Variants in EDEM3 observed in about 807,000 individuals in gnomAD.
The protein encoded by EDEM3 is ER degradation enhancing alpha-mannosidase like protein 3.
Under a neutral mutation model 110.2 loss-of-function variants are expected in EDEM3, and 60 were observed. The observed-to-expected ratio is 0.54, with a 90% CI of 0.44 to 0.67. EDEM3 has a LOEUF of 0.67. Ranked by LOEUF, EDEM3 falls within the 30% of genes least tolerant of loss-of-function variation. The pLI is 0.00. For synonymous variants in EDEM3, 352 were observed against 382.9 expected (o/e 0.92, Z 0.94); for missense variants, 996 against 1,121.0 (o/e 0.89, Z 1.59).
At chr1:184,717,655 A>T (rs201218986) in intron 11 of EDEM3, 32 bp from the exon 12 acceptor site, 54 of 1,525,990 alleles carry the variant, frequency 3.5e-5, no homozygotes, top group Middle Eastern at 4.1e-4. Flanking sequence ...AGGCATAAAA[A>T]ATGTGATTAA....
chr1:184,725,849 C>G (rs1651162516), intron 7 of EDEM3, among the ~76,000 whole-genome samples: 1 of 151,906 alleles, frequency 6.6e-6, no homozygotes, highest in African/African-American at 2.4e-5. Context: ...GACTTAAGAA[C>G]AAAAATTTCA....
Position 184,692,313 on chromosome 1 carries a change from T to A in EDEM3, c.*1750A>T, listed in dbSNP as rs1472869517. 1 of 152,142 alleles carries A rather than the reference T, an allele frequency of 6.6e-6. No individual in the cohort carries two copies. Among genetic ancestry groups the A allele is most frequent in the Non-Finnish European group, 1.5e-5 (1 of 68,002 alleles). The allele number at this position is 152,142 out of a possible 1,614,324, so 9.4% of individuals were successfully genotyped here. On this transcript the variant is annotated 3_prime_UTR_variant, in exon 20 of 20. Coordinates refer to ENST00000318130, the MANE Select transcript of EDEM3 (RefSeq NM_025191.4). ...GAGACTAAAAATATCCATTTTGGTT[T>A]CAGGTATAATTAAAAGCCAATAAGG...
At chr1:184,751,417 C>T (rs931016470) in intron 1 of EDEM3, among the ~76,000 whole-genome samples, 1 of 151,966 alleles carries the variant, frequency 6.6e-6, no homozygotes, top group Non-Finnish European at 1.5e-5. Context: ...CTTTAACTTG[C>T]TAACTCAACT....
At chr1:184,718,030 T>C (rs1650650400) in intron 11 of EDEM3, among the ~76,000 whole-genome samples, 1 of 151,994 alleles carries the variant, frequency 6.6e-6, no homozygotes, top group African/African-American at 2.4e-5. Flanking sequence ...GACATATATT[T>C]ATGGTATATG....
intron 13 of EDEM3, among the ~76,000 whole-genome samples, chr1:184,715,266 G>A (rs1047262710): frequency 6.6e-6 from 1 of 152,090 alleles, no homozygotes; most frequent in African/African-American, 2.4e-5. Flanking sequence ...TGTCATAAAA[G>A]GAGTATTTGG....
In EDEM3 at chr1:184,710,376, A is replaced by T. The variant is rs781750968; in HGVS notation, c.1845+18T>A. 6.2e-7 allele frequency: 1 copy of T among 1,609,294 alleles called. No individual in the cohort carries two copies. Among genetic ancestry groups the T allele is most frequent in the Non-Finnish European group, 8.5e-7 (1 of 1,177,430 alleles). On this transcript the variant is annotated intron_variant, in intron 16 of 19. Coordinates refer to ENST00000318130, the MANE Select transcript of EDEM3 (RefSeq NM_025191.4). ...AGCAGGGCAGAGACGGTATCTAATTAGTGTAGCAATGTCTTACTTGGATTG... is the reference window on the plus strand; with the variant it reads ...AGCAGGGCAGAGACGGTATCTAATTTGTGTAGCAATGTCTTACTTGGATTG...
In EDEM3 at chr1:184,701,448, A is replaced by ATATTACACACACTCAAG. The variant is rs900644399; in HGVS notation, c.2389+1362_2389+1363insCTTGAGTGTGTGTAATA. ...CTTGAGTGTGTGTACACACACCCAA[A>ATATTACACACACTCAAG]TACATATATACGTATATAATTTAAG... On this transcript the variant is annotated intron_variant, in intron 19 of 19. Transcript: ENST00000318130. The ATATTACACACACTCAAG allele has an allele frequency of 1.2e-5, 14 of 1,140,800 alleles. No homozygotes were observed. In the Admixed American group the frequency reaches 4.6e-4, roughly 38 times the overall value. The allele number at this position is 1,140,800 out of a possible 1,614,324, so 70.7% of individuals were successfully genotyped here.
chr1:184,716,976 T>C lies in EDEM3; in HGVS notation c.1282A>G (p.Thr428Ala), dbSNP rs1282317487. Residue 428 changes from threonine (T) to alanine (A), a missense_variant, in exon 13 of 20, where the codon ACA (threonine) becomes GCA (alanine). Thr to Ala is a moderately conservative substitution (Grantham distance 58, BLOSUM62 0). This residue lies in a region of EDEM3 where 310 missense variants were observed against 394.6 expected (regional missense o/e 0.79). Coordinates refer to ENST00000318130, the MANE Select transcript of EDEM3 (RefSeq NM_025191.4). ...TATTTATTTAAATTTTCAATAAGTGTCTTCCCTACTTCAAGGTAGTAAGGA... is the reference window on the plus strand; with the variant it reads ...TATTTATTTAAATTTTCAATAAGTGCCTTCCCTACTTCAAGGTAGTAAGGA... ...GDPYYLEVGK[T>A]LIENLNKYAR... is the part of the protein sequence containing the mutation. 1 of 1,612,774 alleles carries C rather than the reference T, an allele frequency of 6.2e-7. No homozygotes were observed. The highest frequency in any genetic ancestry group is 8.5e-7 in the Non-Finnish European group (1 of 1,178,916).
At chr1:184,711,186 C>T (rs974054054) in intron 15 of EDEM3, among the ~76,000 whole-genome samples, 1 of 152,104 alleles carries the variant, frequency 6.6e-6, no homozygotes, top group Non-Finnish European at 1.5e-5. Flanking sequence ...GCAACCTCCA[C>T]CTCCTGGGTT....
chr1:184,715,882 T>C (rs932000376), intron 13 of EDEM3, among the ~76,000 whole-genome samples: 1 of 152,168 alleles, frequency 6.6e-6, no homozygotes, highest in Non-Finnish European at 1.5e-5. Flanking sequence ...GGGATGGAGA[T>C]TCGAAGCCTA....
intron 7 of EDEM3, among the ~76,000 whole-genome samples, chr1:184,725,163 G>A (rs1651121454): frequency 1.3e-5 from 2 of 152,014 alleles, no homozygotes; most frequent in South Asian, 4.1e-4. Flanking sequence ...ACAAATTACT[G>A]CGTATTCAAG....
chr1:184,721,405 G>C lies in EDEM3; in HGVS notation c.854-19C>G. The C allele has an allele frequency of 1.3e-6, 2 of 1,552,106 alleles. No individual in the cohort carries two copies. Among genetic ancestry groups the C allele is most frequent in the Middle Eastern group, 1.7e-4 (1 of 5,794 alleles). On this transcript the variant is annotated intron_variant, in intron 8 of 19. Transcript: ENST00000318130. ...CCACTATCTATGGAAACACAAATGT[G>C]ATTTTTCATTAAATTTTTTTAAAAC...
At chr1:184,737,733 G>A (rs2102119404) in intron 2 of EDEM3, 22 bp from the exon 3 acceptor site, 1 of 1,602,190 alleles carries the variant, frequency 6.2e-7, no homozygotes, top group South Asian at 1.1e-5. Flanking sequence ...ACTTTAGTAA[G>A]TTACTAAGGA....
chr1:184,753,355 C>T (rs1571436773), intron 1 of EDEM3, among the ~76,000 whole-genome samples: 3 of 151,588 alleles, frequency 2.0e-5, no homozygotes, highest in Non-Finnish European at 1.5e-5. Flanking sequence ...ATAATATGAA[C>T]GTACCCTATT....
At position 184,734,653 on chromosome 1, in the gene EDEM3, G is replaced by C. The variant is rs1651725249; in HGVS notation, c.346-10C>G. ...TAGTTTTATTTAAAACCTGGGAGAA[G>C]AAAATTATGAAATAAAGTTCTTTTC... On this transcript the variant is annotated splice_polypyrimidine_tract_variant and intron_variant, in intron 4 of 19. Coordinates refer to ENST00000318130, the MANE Select transcript of EDEM3 (RefSeq NM_025191.4). The C allele has an allele frequency of 8.8e-7, 1 of 1,140,222 alleles. No homozygotes were observed. The highest frequency in any genetic ancestry group is 2.5e-5 in the East Asian group (1 of 39,232). 70.6% of individuals were successfully genotyped at this position (1,140,222 alleles called of 1,614,324 possible). A position where few individuals can be genotyped will look rare whatever the true frequency, so the allele number is the denominator to read the frequency against.
In EDEM3 at chr1:184,724,792, C is replaced by T. The variant is rs138576555; in HGVS notation, c.748-936G>A. On this transcript the variant is annotated intron_variant, in intron 7 of 19. Transcript: ENST00000318130. ...AAAAGATTTCCCTAGTCTTATTTTA[C>T]AGCTAAGAAAACAGGCCTAGTGAAA... Among the ~76,000 whole-genome samples the T allele has an allele frequency of 1.3e-3, 205 of 152,276 alleles. 3 individuals are homozygous for T. In the East Asian group the frequency reaches 0.035, roughly 26 times the overall value.
At position 184,693,567 on chromosome 1, in the gene EDEM3, A is replaced by G. The variant is rs1275329569; in HGVS notation, c.*496T>C. The G allele has an allele frequency of 6.5e-6, 1 of 153,268 alleles. No homozygotes were observed. The highest frequency in any genetic ancestry group is 1.5e-5 in the Non-Finnish European group (1 of 68,796). 9.5% of individuals were successfully genotyped at this position (153,268 alleles called of 1,614,324 possible). A position where few individuals can be genotyped will look rare whatever the true frequency, so the allele number is the denominator to read the frequency against. On this transcript the variant is annotated 3_prime_UTR_variant, in exon 20 of 20. Transcript: ENST00000318130. ...CCATAAATGCATTTGCTTCATAACC[A>G]CTTAGGTCACTTAGAGTGTTTTGTG...
chr1:184,708,393 C>T, intron 16 of EDEM3, 49 bp from the exon 17 acceptor site: 2 of 1,596,398 alleles, frequency 1.3e-6, no homozygotes, highest in African/African-American at 1.4e-5. Context: ...GAAACTTCCA[C>T]CAATTTTTTG....
At chr1:184,696,838 G>C (rs1242605479) in intron 19 of EDEM3, among the ~76,000 whole-genome samples, 1 of 151,910 alleles carries the variant, frequency 6.6e-6, no homozygotes, top group Non-Finnish European at 1.5e-5. Context: ...GTGTAGGGTT[G>C]TTTTACCTGG....
Sources: allele counts gnomAD v4.1 joint callset (sites outside exome capture counted in the v4.1 genomes callset), GRCh38; gene constraint gnomAD v4.1.1; regional missense constraint gnomAD v4.1.1; transcripts MANE v1.5; gene names NCBI Gene and HGNC (gene_info 2026-07-23, HGNC 2026-07-21).